The following DACH2 variants were observed in gnomAD, a reference collection of about 807,000 sequenced individuals.
DACH2 encodes the protein dachshund homolog 2.
In DACH2, 17 loss-of-function variants were observed where a neutral mutation model predicts 35.8. The observed-to-expected ratio is 0.48, with a 90% confidence interval of 0.33 to 0.71. The LOEUF is 0.71. DACH2 is among the 30% of genes least tolerant of loss of function. The pLI, the probability that DACH2 is intolerant of heterozygous loss-of-function variation, is 0.02. For missense variants in DACH2, 469 were observed against 472.7 expected (o/e 0.99, Z 0.07); for synonymous variants, 195 against 177.3 (o/e 1.10, Z -0.79).
intron 1 of DACH2, among the ~76,000 whole-genome samples, chrX:86,178,425 C>T (rs2031374554): frequency 9.0e-6 from 1 of 111,412 alleles, no homozygotes; most frequent in Non-Finnish European, 1.9e-5. Context: ...GTCATTTTAT[C>T]ATTCACAGTG....
chrX:86,226,782 G>A (rs1316435351), intron 1 of DACH2, among the ~76,000 whole-genome samples: 1 of 110,829 alleles, frequency 9.0e-6, no homozygotes, highest in Non-Finnish European at 1.9e-5. Context: ...CTTCTAATAT[G>A]TCTTTATTTA....
At chrX:86,329,425 C>A (rs765373736) in intron 1 of DACH2, among the ~76,000 whole-genome samples, 1 of 111,340 alleles carries the variant, frequency 9.0e-6, no homozygotes, top group African/African-American at 3.3e-5. Context: ...CTTCCCTGCT[C>A]CCCTCCCTTT....
intron 3 of DACH2, among the ~76,000 whole-genome samples, chrX:86,556,530 G>C (rs1325983627): frequency 9.2e-6 from 1 of 108,483 alleles, no homozygotes; most frequent in Non-Finnish European, 1.9e-5. Flanking sequence ...TTTGGTATCT[G>C]CTAGTTAGTG....
chrX:86,413,389 G>A (rs1486739377), intron 2 of DACH2, among the ~76,000 whole-genome samples: 1 of 112,279 alleles, frequency 8.9e-6, no homozygotes, highest in African/African-American at 3.2e-5. Flanking sequence ...AATTTGCCAA[G>A]TCAGTGACTG....
chrX:86,659,279 G>GT (rs2040579324), intron 4 of DACH2, among the ~76,000 whole-genome samples: 1 of 110,534 alleles, frequency 9.0e-6, no homozygotes, highest in Non-Finnish European at 1.9e-5. Flanking sequence ...AGGAACTATT[G>GT]TTTTTTCAGT....
At chrX:86,355,660 C>T (rs2035630747) in intron 1 of DACH2, among the ~76,000 whole-genome samples, 1 of 111,713 alleles carries the variant, frequency 9.0e-6, no homozygotes, top group Non-Finnish European at 1.9e-5. Context: ...CCTAAAGTAG[C>T]TGGGACTACA....
intron 1 of DACH2, among the ~76,000 whole-genome samples, chrX:86,254,807 T>TAG (rs755869488): frequency 0.012 from 571 of 49,625 alleles, 11 homozygotes; most frequent in African/African-American, 0.02. Context: ...TATATATATA[T>TAG]AGAGAGAGAG....
Position 86,789,849 on chromosome X carries a change from CTGTT to C in DACH2, c.1241-23003_1241-23000del, listed in dbSNP as rs970951263. Among the ~76,000 whole-genome samples the C allele has an allele frequency of 5.4e-5, 6 of 111,567 alleles. No homozygotes were observed. The East Asian group carries it at 1.1e-3, about 21-fold the overall frequency. ...ATGCCAAAAGGACTCATAAAACTAC[CTGTT>C]TGTCAAGTCAATAGAAATAGATGTC... On this transcript the variant is annotated intron_variant, in intron 7 of 11. Coordinates refer to ENST00000373125, the MANE Select transcript of DACH2 (RefSeq NM_053281.3).
At chrX:86,333,388 A>T (rs1299713169) in intron 1 of DACH2, among the ~76,000 whole-genome samples, 1 of 111,633 alleles carries the variant, frequency 9.0e-6, no homozygotes, top group Non-Finnish European at 1.9e-5. Flanking sequence ...CTTGCTCCCT[A>T]TCTCTGTGTG....
intron 4 of DACH2, among the ~76,000 whole-genome samples, chrX:86,674,671 C>A (rs1169763739): frequency 9.0e-6 from 1 of 111,590 alleles, no homozygotes; most frequent in East Asian, 2.8e-4. Context: ...TTTCTTATTG[C>A]AAAAATGACA....
In DACH2 at chrX:86,459,070, T is replaced by C. The variant is rs765386892; in HGVS notation, c.528-55209T>C. Among the ~76,000 whole-genome samples the C allele has an allele frequency of 8.9e-5, 10 of 112,138 alleles. No homozygotes were observed. The South Asian group carries it at 3.7e-3, about 42-fold the overall frequency. ...AAATAGAGATTAAACTATTTTAAAC[T>C]AAAAACAAAAGAAGTGTTTTTAACA... On this transcript the variant is annotated intron_variant, in intron 2 of 11. Coordinates refer to ENST00000373125, the MANE Select transcript of DACH2 (RefSeq NM_053281.3).
chrX:86,514,642 GTA>G (rs2038443124), intron 3 of DACH2, among the ~76,000 whole-genome samples: 1 of 111,707 alleles, frequency 9.0e-6, no homozygotes, highest in Non-Finnish European at 1.9e-5. Flanking sequence ...TTGTATATAT[GTA>G]TATGTTTCTG....
At chrX:86,258,720 T>C (rs1038134431) in intron 1 of DACH2, among the ~76,000 whole-genome samples, 2 of 111,942 alleles carry the variant, frequency 1.8e-5, no homozygotes, top group African/African-American at 6.5e-5. Flanking sequence ...ATATATTTAT[T>C]TGCCATCTTT....
intron 3 of DACH2, among the ~76,000 whole-genome samples, chrX:86,646,485 A>G (rs2040416582): frequency 9.1e-6 from 1 of 110,497 alleles, no homozygotes; most frequent in Admixed American, 9.7e-5. Flanking sequence ...GACATGACAA[A>G]ACTGATAGAA....
chrX:86,447,233 C>G (rs1298187831), intron 2 of DACH2, among the ~76,000 whole-genome samples: 2 of 83,226 alleles, frequency 2.4e-5, no homozygotes, highest in Admixed American at 1.4e-4. Context: ...AATTTTCTCC[C>G]ATGTTGTAGG....
Position 86,442,835 on chromosome X carries a change from C to G in DACH2, c.527+65973C>G, listed in dbSNP as rs1048930614. Among the ~76,000 whole-genome samples, 3 of 108,263 alleles carry G rather than the reference C, an allele frequency of 2.8e-5. No homozygotes were observed. In the Admixed American group the frequency reaches 2.9e-4, roughly 10 times the overall value. 94.0% of individuals were successfully genotyped at this position (108,263 alleles called of 115,157 possible). On this transcript the variant is annotated intron_variant, in intron 2 of 11. Transcript: ENST00000373125. ...GTCATTTCTCCATCGTGTGTCCTTG[C>G]CACCTTTGTGAAGAATCAGTAGGTT...
chrX:86,490,440 T>C (rs1251860311), intron 2 of DACH2, among the ~76,000 whole-genome samples: 1 of 111,323 alleles, frequency 9.0e-6, no homozygotes, highest in Non-Finnish European at 1.9e-5. Flanking sequence ...ATCACTGGTA[T>C]CATAATCTGG....
chrX:86,657,607 G>A (rs1287887834), intron 4 of DACH2, among the ~76,000 whole-genome samples: 1 of 110,456 alleles, frequency 9.1e-6, no homozygotes. Context: ...ATGTATTTTT[G>A]GTCATATGAA....
chrX:86,709,635 T>G (rs1043054123), intron 5 of DACH2, among the ~76,000 whole-genome samples: 1 of 111,796 alleles, frequency 8.9e-6, no homozygotes, highest in African/African-American at 3.2e-5. Context: ...GGAAAAAGTC[T>G]TTGCACAACT....
Sources: allele counts gnomAD v4.1 joint callset (sites outside exome capture counted in the v4.1 genomes callset), GRCh38; gene constraint gnomAD v4.1.1; transcripts MANE v1.5; gene names NCBI Gene and HGNC (gene_info 2026-07-23, HGNC 2026-07-21).